Variants in GRID2 observed in about 807,000 individuals in gnomAD.
The protein encoded by GRID2 is glutamate ionotropic receptor delta type subunit 2.
A neutral mutation model predicts 114.8 loss-of-function variants in GRID2; 33 were observed. The ratio of observed to expected loss-of-function variants is 0.29; its 90% CI spans 0.22 to 0.38. GRID2 has a LOEUF of 0.38. Among genes scored for constraint, GRID2 ranks in the 10% least tolerant of loss-of-function variants. The pLI is 1.00. For synonymous variants in GRID2, 505 were observed against 449.9 expected, an observed-to-expected ratio of 1.12 and a Z score of -1.55; for missense variants, 1,184 against 1,257.7, an observed-to-expected ratio of 0.94 and a Z score of 0.89.
intron 2 of GRID2, among the ~76,000 whole-genome samples, chr4:92,785,792 A>G (rs552961300): frequency 6.6e-6 from 1 of 152,006 alleles, no homozygotes; most frequent in East Asian, 1.9e-4. Context: ...GACAAGAAAC[A>G]GTAGTTAACA....
intron 2 of GRID2, among the ~76,000 whole-genome samples, chr4:92,789,899 T>C (rs929714820): frequency 6.6e-6 from 1 of 151,880 alleles, no homozygotes; most frequent in African/African-American, 2.4e-5. Flanking sequence ...AATTGTTTTG[T>C]TCAAAGATAT....
intron 13 of GRID2, among the ~76,000 whole-genome samples, chr4:93,559,670 G>A (rs989860072): frequency 2.6e-5 from 4 of 152,182 alleles, no homozygotes; most frequent in African/African-American, 9.7e-5. Flanking sequence ...AGACAGTGTA[G>A]TGATTCCTCA....
chr4:93,255,182 A>AT (rs143081525), intron 8 of GRID2, among the ~76,000 whole-genome samples: 4,862 of 152,128 alleles, frequency 0.032, 115 homozygotes, highest in African/African-American at 0.076. Context: ...AGTAGGCATT[A>AT]TTTTTTCTGA....
At chr4:93,560,237 A>AAAAC (rs2149561435) in intron 13 of GRID2, among the ~76,000 whole-genome samples, 1 of 150,008 alleles carries the variant, frequency 6.7e-6, no homozygotes, top group South Asian at 2.1e-4. Context: ...AAAAAAAAAA[A>AAAAC]AAAAAAAAAA....
At chr4:92,543,425 T>A (rs1292931673) in intron 1 of GRID2, among the ~76,000 whole-genome samples, 1 of 152,150 alleles carries the variant, frequency 6.6e-6, no homozygotes, top group Non-Finnish European at 1.5e-5. Flanking sequence ...ATAGCAAAAA[T>A]TCATATACTT....
chr4:93,499,114 G>A (rs1446059730), intron 12 of GRID2, among the ~76,000 whole-genome samples: 2 of 151,790 alleles, frequency 1.3e-5, no homozygotes, highest in East Asian at 1.9e-4. Context: ...ACAAGGTAGA[G>A]GCTAACTATA....
intron 11 of GRID2, among the ~76,000 whole-genome samples, chr4:93,465,977 A>G (rs953309911): frequency 2.0e-5 from 3 of 152,212 alleles, no homozygotes; most frequent in African/African-American, 7.2e-5. Flanking sequence ...GAGTGGAATT[A>G]TAAGTTGTGA....
At chr4:92,990,355 A>G (rs1425955335) in intron 2 of GRID2, among the ~76,000 whole-genome samples, 1 of 150,040 alleles carries the variant, frequency 6.7e-6, no homozygotes, top group Non-Finnish European at 1.5e-5. Flanking sequence ...TAGAGTCTTG[A>G]TCTGTCACCC....
Position 92,590,225 on chromosome 4 carries a change from G to A in GRID2, c.183G>A (p.Glu61=). 1 of 1,612,652 alleles carries A rather than the reference G, an allele frequency of 6.2e-7. No individual in the cohort carries two copies. The highest frequency in any genetic ancestry group is 1.7e-5 in the Admixed American group (1 of 60,008). ...LNQNEEILQT[E]KITFSVTFVD... is the part of the protein sequence containing the mutation. ...AGAATGAGGAGATCTTACAGACTGA[G>A]AAAATCACATTTTCAGTGACGTTTG... is the stretch of plus-strand genomic sequence containing the variant. Residue 61 remains glutamate (E), a synonymous_variant, in exon 2 of 16, where the codon GAG becomes GAA. Coordinates refer to ENST00000282020, the MANE Select transcript of GRID2 (RefSeq NM_001510.4).
At chr4:93,634,655 G>T (rs1439391348) in intron 14 of GRID2, among the ~76,000 whole-genome samples, 1 of 152,104 alleles carries the variant, frequency 6.6e-6, no homozygotes, top group Non-Finnish European at 1.5e-5. Context: ...GCTCTGAGAA[G>T]AGAAATATCT....
intron 2 of GRID2, among the ~76,000 whole-genome samples, chr4:92,914,545 C>G (rs1333680779): frequency 6.6e-6 from 1 of 152,056 alleles, no homozygotes; most frequent in Non-Finnish European, 1.5e-5. Context: ...TCATTAGTTA[C>G]TTTTCCTGAT....
chr4:93,619,491 G>A (rs1230985339), intron 13 of GRID2, among the ~76,000 whole-genome samples: 1 of 152,150 alleles, frequency 6.6e-6, no homozygotes, highest in Admixed American at 6.5e-5. Flanking sequence ...AGTTAAAATT[G>A]GAAAGAAGTT....
At chr4:93,228,236 G>A (rs1012699550) in intron 7 of GRID2, among the ~76,000 whole-genome samples, 3 of 152,120 alleles carry the variant, frequency 2.0e-5, no homozygotes, top group Non-Finnish European at 2.9e-5. Flanking sequence ...AAATCCAAGG[G>A]CTTGGAGCTG....
At chr4:92,709,650 G>C (rs969060352) in intron 2 of GRID2, among the ~76,000 whole-genome samples, 11 of 149,888 alleles carry the variant, frequency 7.3e-5, no homozygotes, top group Non-Finnish European at 1.3e-4. Context: ...CTGAATTAGA[G>C]GGGAAGTGGC....
chr4:93,661,468 T>A (rs983579183), intron 14 of GRID2, among the ~76,000 whole-genome samples: 1 of 152,230 alleles, frequency 6.6e-6, no homozygotes, highest in African/African-American at 2.4e-5. Flanking sequence ...AAGGCTGTGG[T>A]GTGTCTTATG....
chr4:92,748,608 C>T (rs757749719), intron 2 of GRID2, among the ~76,000 whole-genome samples: 11 of 150,128 alleles, frequency 7.3e-5, no homozygotes, highest in Admixed American at 6.7e-5. Flanking sequence ...TGGTCTCAAT[C>T]GATTTGTACC....
intron 2 of GRID2, among the ~76,000 whole-genome samples, chr4:92,770,383 C>A (rs974991826): frequency 6.6e-6 from 1 of 152,136 alleles, no homozygotes; most frequent in African/African-American, 2.4e-5. Flanking sequence ...TTCTTCTGAG[C>A]CCTCCAAACT....
chr4:92,817,868 T>A (rs1741011467), intron 2 of GRID2, among the ~76,000 whole-genome samples: 1 of 152,068 alleles, frequency 6.6e-6, no homozygotes, highest in Non-Finnish European at 1.5e-5. Context: ...TAATGTAAGT[T>A]CTATGGCAAT....
intron 1 of GRID2, among the ~76,000 whole-genome samples, chr4:92,314,254 A>T (rs897199057): frequency 7.9e-5 from 12 of 152,128 alleles, no homozygotes; most frequent in African/African-American, 2.9e-4. Flanking sequence ...TTAAGAGCAG[A>T]TTACATTTTA....
Sources: allele counts gnomAD v4.1 joint callset (sites outside exome capture counted in the v4.1 genomes callset), GRCh38; gene constraint gnomAD v4.1.1; transcripts MANE v1.5; gene names NCBI Gene and HGNC (gene_info 2026-07-23, HGNC 2026-07-21).